Variants in DAGLA observed in about 807,000 individuals in gnomAD.
The protein encoded by DAGLA is diacylglycerol lipase alpha.
A neutral mutation model predicts 102.6 loss-of-function variants in DAGLA; 22 were observed. The ratio of observed to expected loss-of-function variants is 0.21; its 90% CI spans 0.15 to 0.31. The LOEUF (loss-of-function observed/expected upper bound fraction) is 0.31, where lower values mean the gene tolerates loss of function less well. DAGLA is among the 10% of genes least tolerant of loss of function. The pLI, the probability that DAGLA is intolerant of heterozygous loss-of-function variation, is 1.00. For synonymous variants in DAGLA, 578 were observed against 628.9 expected (o/e 0.92, Z 1.21); for missense variants, 927 against 1,446.6 (o/e 0.64, Z 5.83).
chr11:61,692,179 G>A (rs924063820), intron 1 of DAGLA, among the ~76,000 whole-genome samples: 27 of 152,114 alleles, frequency 1.8e-4, no homozygotes, highest in African/African-American at 6.0e-4. Context: ...AGGTGCCCAC[G>A]TGGCCCATGA....
Position 61,735,642 on chromosome 11 carries a change from A to G in DAGLA, c.1210A>G (p.Lys404Glu). The change falls in exon 11 of 20, where the codon AAG (lysine) becomes GAG (glutamate). Residue 404 changes from lysine to glutamate, a missense_variant and splice_region_variant. Physicochemically the swap from Lys to Glu is moderately conservative, Grantham distance 56. Around this residue, in one of 4 missense-constraint regions of DAGLA, gnomAD observed 218 missense variants for 459.6 expected, o/e 0.47. Coordinates refer to ENST00000257215, the MANE Select transcript of DAGLA (RefSeq NM_006133.3). ...VISIRGTLSP[K>E]DALTDLTGDA... ...CAGTATCCGGGGGACCCTGTCCCCC[A>G]AGGTACGCTGCCCATGGCTCCCAGC... The G allele has an allele frequency of 6.2e-7, 1 of 1,613,822 alleles. No homozygotes were observed.
At chr11:61,735,157 G>T (rs911167009) in intron 10 of DAGLA, among the ~76,000 whole-genome samples, 155 bp downstream of exon 10, 3 of 152,172 alleles carry the variant, frequency 2.0e-5, no homozygotes, top group Admixed American at 6.5e-5. Context: ...ACCAGAGGTG[G>T]CCCCCTTCTC....
intron 2 of DAGLA, 23 bp downstream of exon 2, chr11:61,720,273 A>C: frequency 6.2e-7 from 1 of 1,603,012 alleles, no homozygotes; most frequent in Non-Finnish European, 8.5e-7. Flanking sequence ...GCCCGGGGCC[A>C]CAGGCCTGGG....
chr11:61,685,519 T>C (rs530634966), intron 1 of DAGLA, among the ~76,000 whole-genome samples: 7 of 152,154 alleles, frequency 4.6e-5, no homozygotes, highest in South Asian at 2.1e-4. Context: ...TTGGACATAG[T>C]CGATAGTTAT....
chr11:61,735,747 G>A lies in DAGLA; in HGVS notation c.1221G>A (p.Leu407=). Residue 407 remains leucine (L), a synonymous_variant, in exon 12 of 20, where the codon CTG becomes CTA. Transcript: ENST00000257215. The part of the protein sequence containing the change: ...IRGTLSPKDA[L]TDLTGDAERL... ...TCTCCTCTCTCCCCAAGGATGCCCT[G>A]ACTGACCTGACGGGTGATGCTGAGC... 6.2e-7 allele frequency: 1 copy of A among 1,613,434 alleles called. No individual in the cohort carries two copies. The highest frequency in any genetic ancestry group is 8.5e-7 in the Non-Finnish European group (1 of 1,179,724).
At chr11:61,712,758 G>A (rs1451015964) in intron 1 of DAGLA, among the ~76,000 whole-genome samples, 3 of 152,274 alleles carry the variant, frequency 2.0e-5, no homozygotes, top group African/African-American at 4.8e-5. Context: ...CCAGCCTCTC[G>A]GCCACTGGGA....
rs534199536 is a variant in DAGLA, at chr11:61,728,162, T to G, written c.646T>G (p.Ser216Ala). The G allele has an allele frequency of 6.8e-6, 11 of 1,614,080 alleles. No homozygotes were observed. In the African/African-American group the frequency reaches 1.2e-4, roughly 18 times the overall value. ...TTCCTGGACCTCGTAGGATGCCTACTCAGAAATCGCCTACCTCTTTGCGGA... is the reference window on the plus strand; with the variant it reads ...TTCCTGGACCTCGTAGGATGCCTACGCAGAAATCGCCTACCTCTTTGCGGA... ...RTKDSQSDAY[S>A]EIAYLFAEFF... Residue 216 changes from serine to alanine, a missense_variant, in exon 7 of 20, where the codon TCA (serine) becomes GCA (alanine). Around this residue, in one of 4 missense-constraint regions of DAGLA, gnomAD observed 231 missense variants for 439.8 expected, o/e 0.53. Transcript: ENST00000257215.
At chr11:61,737,521 G>C (rs1269178593) in intron 14 of DAGLA, among the ~76,000 whole-genome samples, 166 bp from the exon 15 acceptor site, 1 of 152,128 alleles carries the variant, frequency 6.6e-6, no homozygotes, top group East Asian at 1.9e-4. Context: ...CTTACCAGTG[G>C]GAAAGACAGA....
In DAGLA at chr11:61,744,430, C is replaced by T. The variant is rs1243312076; in HGVS notation, c.3070C>T (p.Pro1024Ser). The change falls in exon 20 of 20, where the codon CCC becomes TCC. Residue 1024 changes from proline to serine, a missense_variant. Pro to Ser is a moderately conservative substitution (Grantham distance 74, BLOSUM62 -1). Transcript: ENST00000257215. ...GGCTGACAAGATCCGGACTTCTACC[C>T]CCACTGGCCACGGAGCCAGCCCCGC... ...LAADKIRTSTPTGHGASPAKQ... is the reference protein window; with the variant it reads ...LAADKIRTSTSTGHGASPAKQ... 6.2e-7 allele frequency: 1 copy of T among 1,604,096 alleles called. No individual in the cohort carries two copies. The highest frequency in any genetic ancestry group is 2.2e-5 in the East Asian group (1 of 44,640).
intron 18 of DAGLA, among the ~76,000 whole-genome samples, 188 bp from the exon 19 acceptor site, chr11:61,740,974 C>T (rs1008842182): frequency 4.6e-5 from 7 of 152,182 alleles, no homozygotes; most frequent in African/African-American, 1.2e-4. Context: ...GGCTGTGGGG[C>T]GAGTCGTGAC....
In DAGLA at chr11:61,710,162, T is replaced by TCTC. The variant is rs1171982655; in HGVS notation, c.-44-9946_-44-9944dup. On this transcript the variant is annotated intron_variant, in intron 1 of 19. Coordinates refer to ENST00000257215, the MANE Select transcript of DAGLA (RefSeq NM_006133.3). ...AGGCGTTGCCAGCACCCAGACGGAGTCTCCTCTCAAGGAAGTTCTGAGAAG... is the reference window on the plus strand; with the variant it reads ...AGGCGTTGCCAGCACCCAGACGGAGTCTCCTCCTCTCAAGGAAGTTCTGAGAAG... 6.6e-5 allele frequency among the ~76,000 whole-genome samples: 10 copies of TCTC among 151,782 alleles called. No individual in the cohort carries two copies. In the East Asian group the frequency reaches 1.8e-3, roughly 27 times the overall value.
At chr11:61,709,866 C>T (rs2065179368) in intron 1 of DAGLA, among the ~76,000 whole-genome samples, 1 of 152,128 alleles carries the variant, frequency 6.6e-6, no homozygotes, top group Non-Finnish European at 1.5e-5. Context: ...GCCCAGTTGG[C>T]CAGCCTGTGC....
Position 61,734,576 on chromosome 11 carries a change from C to T in DAGLA, c.975-273C>T, listed in dbSNP as rs1307766962. Among the ~76,000 whole-genome samples, 4 of 152,136 alleles carry T rather than the reference C, an allele frequency of 2.6e-5. No individual in the cohort carries two copies. The highest frequency in any genetic ancestry group is 2.1e-4 in the South Asian group (1 of 4,812). ...GGTGCATCGCTGAGTAGGCCCTGCC[C>T]GGAGGGGAGATCCCAGAGAGGAGGG... On this transcript the variant is annotated intron_variant, in intron 9 of 19. Coordinates refer to ENST00000257215, the MANE Select transcript of DAGLA (RefSeq NM_006133.3). This position sits in a 1 kb window ranked among gnomAD's most constrained non-coding sequence, Gnocchi z 4.2.
intron 1 of DAGLA, among the ~76,000 whole-genome samples, chr11:61,706,568 G>A (rs2065151461): frequency 6.6e-6 from 1 of 152,142 alleles, no homozygotes; most frequent in African/African-American, 2.4e-5. Flanking sequence ...AACAGGCGGG[G>A]GGTGCACCCA....
chr11:61,730,195 A>G (rs1439482968), intron 8 of DAGLA, among the ~76,000 whole-genome samples: 1 of 151,886 alleles, frequency 6.6e-6, no homozygotes, highest in Non-Finnish European at 1.5e-5. Context: ...GCCCCAAACC[A>G]GCCCATTTCT....
rs148387792 is a variant in DAGLA, at chr11:61,744,305, C to T, written c.2945C>T (p.Pro982Leu). 7 of 1,612,734 alleles carry T rather than the reference C, an allele frequency of 4.3e-6. No individual in the cohort carries two copies. Among genetic ancestry groups the T allele is most frequent in the South Asian group, 1.1e-5 (1 of 91,070 alleles). ...CGGCTCTTTGCCGGCTCAGCCGACC[C>T]CTCCTCGGGCATCTCACTCTCGCCC... Reference protein sequence around the residue: ...PPRLFAGSADPSSGISLSPSF... With the variant: ...PPRLFAGSADLSSGISLSPSF... Residue 982 changes from proline (P) to leucine (L), a missense_variant, in exon 20 of 20, where the codon CCC becomes CTC. Coordinates refer to ENST00000257215, the MANE Select transcript of DAGLA (RefSeq NM_006133.3).
At chr11:61,743,027 T>C (rs970669230) in intron 19 of DAGLA, among the ~76,000 whole-genome samples, 1 of 152,090 alleles carries the variant, frequency 6.6e-6, no homozygotes, top group Non-Finnish European at 1.5e-5. Context: ...CAGCATCAAC[T>C]CTTTTGTCTT....
chr11:61,688,135 T>G (rs1167520575), intron 1 of DAGLA, among the ~76,000 whole-genome samples: 1 of 151,772 alleles, frequency 6.6e-6, no homozygotes, highest in African/African-American at 2.4e-5. Flanking sequence ...GCTAACATGG[T>G]GAAACCCCGT....
chr11:61,721,667 C>T (rs2065284200), intron 3 of DAGLA, among the ~76,000 whole-genome samples: 1 of 152,210 alleles, frequency 6.6e-6, no homozygotes, highest in Non-Finnish European at 1.5e-5. Context: ...GGGCCAGCTC[C>T]CCAGAGGACC....
Sources: allele counts gnomAD v4.1 joint callset (sites outside exome capture counted in the v4.1 genomes callset), GRCh38; gene constraint gnomAD v4.1.1; regional missense constraint gnomAD v4.1.1; non-coding constraint Gnocchi (gnomAD v3.1); transcripts MANE v1.5; gene names NCBI Gene and HGNC (gene_info 2026-07-23, HGNC 2026-07-21).